The following HOXC4 variants were observed in gnomAD, a reference collection of about 807,000 sequenced individuals.
The protein encoded by HOXC4 is homeobox protein Hox-C4.
HOXC4 carries 15 observed loss-of-function variants against 25.5 expected under a neutral mutation model. That is an observed-to-expected ratio of 0.59 (90% CI 0.39 to 0.91). The LOEUF (loss-of-function observed/expected upper bound fraction) is 0.91, where lower values mean the gene tolerates loss of function less well. Ranked by LOEUF, HOXC4 falls within the 40% of genes least tolerant of loss-of-function variation. The pLI, the probability that HOXC4 is intolerant of heterozygous loss-of-function variation, is 0.00. For missense variants in HOXC4, 342 were observed against 352.4 expected (o/e 0.97, Z 0.24); for synonymous variants, 165 against 148.0 (o/e 1.11, Z -0.83).
At chr12:54,028,736 A>G (rs1019262882) in intron 1 of HOXC4, 2 of 1,614,114 alleles carry the variant, frequency 1.2e-6, no homozygotes, top group Non-Finnish European at 1.7e-6. Context: ...CCGTATGACT[A>G]TGGATCTAAT....
intron 1 of HOXC4, among the ~76,000 whole-genome samples, chr12:54,042,529 T>C (rs1325653044): frequency 6.6e-6 from 1 of 152,208 alleles, no homozygotes; most frequent in Admixed American, 6.5e-5. Context: ...ACTTTCTCTT[T>C]TTGACTGTCG....
upstream of HOXC4, chr12:54,053,737 C>CA (rs1489176925): frequency 1.3e-5 from 7 of 521,234 alleles, no homozygotes; most frequent in Non-Finnish European, 2.4e-5. Flanking sequence ...ACCACACACA[C>CA]AAAAAAATTG....
At chr12:54,045,328 C>T (rs551146530) in intron 1 of HOXC4, among the ~76,000 whole-genome samples, 6 of 152,338 alleles carry the variant, frequency 3.9e-5, no homozygotes, top group Admixed American at 1.3e-4. Flanking sequence ...TAACAGTCCT[C>T]GGTCAAATTC....
intron 1 of HOXC4, chr12:54,048,057 A>C (rs1937757980): frequency 6.6e-6 from 1 of 152,042 alleles, no homozygotes; most frequent in South Asian, 2.1e-4. Flanking sequence ...GCATGCCCGG[A>C]AAGACTCTGA....
intron 1 of HOXC4, among the ~76,000 whole-genome samples, chr12:54,029,218 G>C (rs1393683728): frequency 6.6e-6 from 1 of 152,170 alleles, no homozygotes; most frequent in African/African-American, 2.4e-5. Flanking sequence ...CCAAAGTGGA[G>C]TCAGTCTGAG....
chr12:54,052,328 C>T (rs1401567480), upstream of HOXC4, among the ~76,000 whole-genome samples: 1 of 152,190 alleles, frequency 6.6e-6, no homozygotes. Context: ...CTCCTACCAC[C>T]GCTGGCAGAT....
intron 1 of HOXC4, chr12:54,034,893 A>G: frequency 8.3e-6 from 2 of 240,670 alleles, no homozygotes; most frequent in South Asian, 6.1e-5. Flanking sequence ...CGGACCCTCT[A>G]ACCTCGCCCT....
intron 1 of HOXC4, among the ~76,000 whole-genome samples, chr12:54,025,677 G>A (rs1333787916): frequency 1.3e-5 from 2 of 151,940 alleles, no homozygotes; most frequent in African/African-American, 2.4e-5. Flanking sequence ...ATAAATCGGC[G>A]AGACCTTTCA....
intron 1 of HOXC4, among the ~76,000 whole-genome samples, chr12:54,044,744 T>C (rs1295050472): frequency 6.6e-6 from 1 of 151,928 alleles, no homozygotes; most frequent in Admixed American, 6.6e-5. Flanking sequence ...TGTGTGTGTG[T>C]AAGCCCCCAG....
intron 1 of HOXC4, among the ~76,000 whole-genome samples, chr12:54,042,177 C>T (rs577658718): frequency 5.3e-5 from 8 of 152,142 alleles, no homozygotes; most frequent in African/African-American, 1.4e-4. Flanking sequence ...AGGGTTTCTC[C>T]GTGTTGGTCA....
chr12:54,055,080 T>C lies in HOXC4; in HGVS notation c.670T>C (p.Ser224Pro), dbSNP rs993518783. ...CCGACTCCCCAACACCAAAGTCAGG[T>C]CAGCACCCCCGGCCGGCGCTGCGCC... ...DHRLPNTKVR[S>P]APPAGAAPST... Residue 224 changes from serine (S) to proline (P), a missense_variant, in exon 2 of 2, where the codon TCA (serine) becomes CCA (proline). By Grantham distance (74) the Ser-to-Pro change is moderately conservative. Coordinates refer to ENST00000430889, the MANE Select transcript of HOXC4 (RefSeq NM_153633.3). 5.0e-6 allele frequency: 8 copies of C among 1,612,932 alleles called. No homozygotes were observed. In the African/African-American group the frequency reaches 8.0e-5, roughly 16 times the overall value.
chr12:54,024,793 C>T (rs1331621721), intron 1 of HOXC4, among the ~76,000 whole-genome samples: 1 of 152,140 alleles, frequency 6.6e-6, no homozygotes, highest in Non-Finnish European at 1.5e-5. Flanking sequence ...TGCAATGCCA[C>T]CCTTATCCTT....
At position 54,054,008 on chromosome 12, in the gene HOXC4, T is replaced by A; in HGVS notation, c.86T>A (p.Ile29Asn). The A allele has an allele frequency of 6.2e-7, 1 of 1,614,088 alleles. No individual in the cohort carries two copies. Among genetic ancestry groups the A allele is most frequent in the South Asian group, 1.1e-5 (1 of 91,070 alleles). ...GAAGAATATTCGCAAAATAGCTACA[T>A]CCCTGAACACAGTCCGGAATATTAC... ...PCEEYSQNSY[I>N]PEHSPEYYGR... is the part of the protein sequence containing the mutation. The change falls in exon 1 of 2, where the codon ATC becomes AAC. Residue 29 changes from isoleucine to asparagine, a missense_variant. Coordinates refer to ENST00000430889, the MANE Select transcript of HOXC4 (RefSeq NM_153633.3).
chr12:54,029,493 C>A, intron 1 of HOXC4: 1 of 427,058 alleles, frequency 2.3e-6, no homozygotes, highest in Non-Finnish European at 4.0e-6. Context: ...CCTCGCTGTA[C>A]CCCCAGTGGG....
chr12:54,020,109 A>G (rs1940365312), intron 1 of HOXC4: 1 of 152,220 alleles, frequency 6.6e-6, no homozygotes, highest in Non-Finnish European at 1.5e-5. Context: ...AGGACCCACC[A>G]GTGGCAACTC....
intron 1 of HOXC4, among the ~76,000 whole-genome samples, chr12:54,041,687 T>A (rs1941275263): frequency 6.6e-6 from 1 of 152,228 alleles, no homozygotes; most frequent in African/African-American, 2.4e-5. Flanking sequence ...CTCCATCTGC[T>A]TATTTTGAGA....
upstream of HOXC4, among the ~76,000 whole-genome samples, chr12:54,051,968 T>A (rs1193170913): frequency 1.3e-5 from 2 of 152,210 alleles, no homozygotes; most frequent in African/African-American, 4.8e-5. Flanking sequence ...GCTTTATTTT[T>A]TTTTTCCCTT....
intron 1 of HOXC4, chr12:54,030,472 C>G (rs1249077): frequency 1.3e-5 from 2 of 153,002 alleles, no homozygotes; most frequent in East Asian, 3.9e-4. Flanking sequence ...CCTGCCTAGC[C>G]CCTCTGCCCC....
chr12:54,026,959 A>G (rs1940737331), intron 1 of HOXC4, among the ~76,000 whole-genome samples: 1 of 88,912 alleles, frequency 1.1e-5, no homozygotes, highest in Non-Finnish European at 2.6e-5. Context: ...CCCACCCAAA[A>G]ATGGTGGGGG....
Sources: allele counts gnomAD v4.1 joint callset (sites outside exome capture counted in the v4.1 genomes callset), GRCh38; gene constraint gnomAD v4.1.1; transcripts MANE v1.5; gene names NCBI Gene and HGNC (gene_info 2026-07-23, HGNC 2026-07-21).